CELF2: variants seen among roughly 807,000 people sequenced by gnomAD.
CELF2 encodes CUG triplet repeat RNA-binding protein 2.
CELF2 carries 8 observed loss-of-function variants against 62.6 expected under a neutral mutation model. The observed-to-expected ratio is 0.13, with a 90% CI of 0.07 to 0.23. CELF2 has a LOEUF of 0.23. CELF2 is among the 10% of genes least tolerant of loss of function. CELF2 has a pLI of 1.00. For missense variants in CELF2, 333 were observed against 671.0 expected (o/e 0.50, Z 5.56); for synonymous variants, 258 against 250.0 (o/e 1.03, Z -0.30).
At chr10:10,574,243 C>G in the CELF2 span, among the ~76,000 whole-genome samples, 115 of 152,242 alleles carry the variant, frequency 7.6e-4, no homozygotes, top group African/African-American at 2.7e-3. Flanking sequence ...CAATAGAAGG[C>G]TTTTGAGCAA....
At chr10:10,612,415 C>T in the CELF2 span, among the ~76,000 whole-genome samples, 2 of 152,052 alleles carry the variant, frequency 1.3e-5, no homozygotes, top group African/African-American at 2.4e-5. Context: ...TTAAGCATCC[C>T]GTCACCAAAT....
At chr10:10,948,995 C>T (rs1027241887) in intron 2 of CELF2, among the ~76,000 whole-genome samples, 1 of 152,084 alleles carries the variant, frequency 6.6e-6, no homozygotes, top group Non-Finnish European at 1.5e-5. Context: ...ACTGCCTGGA[C>T]CTAGGTTCCC....
chr10:11,262,232 T>A (rs1361332495), intron 5 of CELF2, among the ~76,000 whole-genome samples: 1 of 152,192 alleles, frequency 6.6e-6, no homozygotes, highest in Non-Finnish European at 1.5e-5. Flanking sequence ...CCTCATTGGT[T>A]TTTGTCATAT....
chr10:10,655,101 A>G, the CELF2 span, among the ~76,000 whole-genome samples: 19 of 150,780 alleles, frequency 1.3e-4, no homozygotes, highest in South Asian at 8.8e-4. Context: ...CCAAATCATG[A>G]GTGAACTCCC....
chr10:10,620,798 G>A, the CELF2 span, among the ~76,000 whole-genome samples: 9 of 126,548 alleles, frequency 7.1e-5, no homozygotes, highest in Non-Finnish European at 9.8e-5. Context: ...TAGTCCCAGC[G>A]TCCCAGCTAC....
rs2093901267 is a variant in CELF2 at position 11,302,905 on chromosome 10, G to A, written c.977-11234G>A. Among the ~76,000 whole-genome samples the A allele has an allele frequency of 6.6e-6, 1 of 152,162 alleles. No homozygotes were observed. The highest frequency in any genetic ancestry group is 2.1e-4 in the South Asian group (1 of 4,828). ...CCCGGAGTCCTCTCTTTCTCTGCCA[G>A]GAGATGAAGCCAGCGTGTGTTTGGC... On this transcript the variant is annotated intron_variant, in intron 9 of 12. Coordinates refer to ENST00000633077, the MANE Select transcript of CELF2 (RefSeq NM_001326342.2). The surrounding 1 kb of genome is among the most constrained non-coding windows in gnomAD (Gnocchi z 5.0).
At chr10:11,106,084 T>G (rs2053374350) in intron 1 of CELF2, among the ~76,000 whole-genome samples, 1 of 152,242 alleles carries the variant, frequency 6.6e-6, no homozygotes, top group Admixed American at 6.5e-5. Flanking sequence ...TCACATGGCC[T>G]CATTATCAGA....
the CELF2 span, among the ~76,000 whole-genome samples, chr10:10,710,555 G>A: frequency 3.9e-5 from 6 of 152,286 alleles, no homozygotes; most frequent in Admixed American, 3.3e-4. Context: ...TATGATTAAG[G>A]AACAAACAGT....
rs1185004383 is a variant in CELF2 at position 11,145,390 on chromosome 10, C to T, written c.75-20096C>T. Among the ~76,000 whole-genome samples the T allele has an allele frequency of 1.3e-5, 2 of 152,160 alleles. No homozygotes were observed. The highest frequency in any genetic ancestry group is 2.9e-5 in the Non-Finnish European group (2 of 68,046). Reference sequence around the variant, plus strand: ...TCTCTGAAAGGTGCTTTGTGCTGACCAAGCAAATAATAGCAGGTTGTATGC... The same window carrying T: ...TCTCTGAAAGGTGCTTTGTGCTGACTAAGCAAATAATAGCAGGTTGTATGC... On this transcript the variant is annotated intron_variant, in intron 1 of 12. Transcript: ENST00000633077. The surrounding 1 kb of genome is among the most constrained non-coding windows in gnomAD (Gnocchi z 4.3).
chr10:11,176,865 A>G (rs2071374165), intron 2 of CELF2, among the ~76,000 whole-genome samples: 1 of 152,200 alleles, frequency 6.6e-6, no homozygotes, highest in Non-Finnish European at 1.5e-5. Context: ...ACTGCAAGCT[A>G]CACTCAGTTT....
chr10:11,153,329 C>T (rs962790413), intron 1 of CELF2, among the ~76,000 whole-genome samples: 1 of 151,994 alleles, frequency 6.6e-6, no homozygotes, highest in African/African-American at 2.4e-5. Flanking sequence ...TGCTTGTCAC[C>T]GAAGCTTCAT....
chr10:10,786,131 A>G, the CELF2 span, among the ~76,000 whole-genome samples: 1 of 152,344 alleles, frequency 6.6e-6, no homozygotes, highest in East Asian at 1.9e-4. Context: ...TCTCTGGTAA[A>G]GCACTGGCTC....
chr10:10,517,357 A>G, the CELF2 span, among the ~76,000 whole-genome samples: 3 of 152,082 alleles, frequency 2.0e-5, no homozygotes, highest in Non-Finnish European at 4.4e-5. Flanking sequence ...CAGCTTCCTC[A>G]TGTTCCCCTT....
chr10:10,477,832 G>T, the CELF2 span, among the ~76,000 whole-genome samples: 1 of 150,092 alleles, frequency 6.7e-6, no homozygotes, highest in African/African-American at 2.4e-5. Flanking sequence ...ATTCATAAAT[G>T]ACATAGAAAC....
intron 1 of CELF2, among the ~76,000 whole-genome samples, chr10:10,808,275 C>T (rs895029858): frequency 2.6e-5 from 4 of 152,278 alleles, no homozygotes; most frequent in South Asian, 2.1e-4. Context: ...CTAGGAACTT[C>T]GTGTAACTTT....
chr10:10,911,084 C>T (rs576308930), intron 1 of CELF2, among the ~76,000 whole-genome samples: 109 of 152,336 alleles, frequency 7.2e-4, no homozygotes, highest in Non-Finnish European at 1.1e-3. Context: ...AGACAGGCCT[C>T]CTCTTCTTGG....
the CELF2 span, among the ~76,000 whole-genome samples, chr10:10,542,747 C>T: frequency 5.3e-5 from 8 of 152,260 alleles, no homozygotes; most frequent in Middle Eastern, 3.4e-3. Context: ...AAGCCCTAGC[C>T]ATTTTAGTCC....
At chr10:10,973,055 C>T (rs577137549) in intron 2 of CELF2, among the ~76,000 whole-genome samples, 20 of 152,156 alleles carry the variant, frequency 1.3e-4, no homozygotes, top group African/African-American at 1.9e-4. Context: ...TTTGGGAGGC[C>T]GAGGCGGGTG....
intron 1 of CELF2, among the ~76,000 whole-genome samples, chr10:10,898,975 A>T: frequency 6.6e-6 from 1 of 152,246 alleles, no homozygotes; most frequent in East Asian, 1.9e-4. Context: ...GCTGAAATAA[A>T]ACATTTCTGC....
Sources: allele counts gnomAD v4.1 joint callset (sites outside exome capture counted in the v4.1 genomes callset), GRCh38; gene constraint gnomAD v4.1.1; non-coding constraint Gnocchi (gnomAD v3.1); transcripts MANE v1.5; gene names NCBI Gene and HGNC (gene_info 2026-07-23, HGNC 2026-07-21).